PCSK2: variants seen among roughly 807,000 people sequenced by gnomAD.
PCSK2 encodes the protein neuroendocrine convertase 2.
PCSK2 carries 14 observed loss-of-function variants against 69.7 expected under a neutral mutation model. The ratio of observed to expected loss-of-function variants is 0.20; its 90% CI spans 0.13 to 0.31. The LOEUF is 0.31. Among genes scored for constraint, PCSK2 ranks in the 10% least tolerant of loss-of-function variants. The probability of loss-of-function intolerance (pLI) is 1.00; values close to 1 mark genes in which losing one functional copy is unlikely to be tolerated. For missense variants in PCSK2, 544 were observed against 842.5 expected (o/e 0.65, Z 4.39); for synonymous variants, 307 against 320.7 (o/e 0.96, Z 0.46).
rs201807095 is a variant in PCSK2, at chr20:17,482,097, C to T, written c.*27C>T. On this transcript the variant is annotated 3_prime_UTR_variant, in exon 12 of 12. Transcript: ENST00000262545. ...GCTGCACATCCGCCTTTCCCACCGC[C>T]CTCCCTCCCCAGCTCCGCCTCTGTC... The T allele has an allele frequency of 8.3e-4, 1,261 of 1,528,096 alleles. 6 individuals are homozygous for T. Among genetic ancestry groups the T allele is most frequent in the South Asian group, 1.5e-3 (112 of 77,090 alleles). 94.7% of individuals were successfully genotyped at this position (1,528,096 alleles called of 1,614,324 possible).
intron 2 of PCSK2, among the ~76,000 whole-genome samples, chr20:17,341,848 T>C (rs1401717118): frequency 1.0e-5 from 1 of 98,702 alleles, no homozygotes; most frequent in East Asian, 2.0e-4. Context: ...TCTCCACAAC[T>C]TTTTTTTTCC....
At chr20:17,317,201 A>G (rs1480142663) in intron 2 of PCSK2, among the ~76,000 whole-genome samples, 1 of 152,140 alleles carries the variant, frequency 6.6e-6, no homozygotes, top group Non-Finnish European at 1.5e-5. Context: ...AACTCTCCCT[A>G]ATAAAGAAGA....
chr20:17,432,024 T>TC (rs1477035327), intron 7 of PCSK2, among the ~76,000 whole-genome samples: 3 of 151,978 alleles, frequency 2.0e-5, no homozygotes, highest in Non-Finnish European at 4.4e-5. Flanking sequence ...ATGTCTGAGG[T>TC]CCTTCCCCAG....
chr20:17,309,197 A>C (rs914455693), intron 2 of PCSK2, among the ~76,000 whole-genome samples: 1 of 152,186 alleles, frequency 6.6e-6, no homozygotes, highest in Non-Finnish European at 1.5e-5. Flanking sequence ...GAGTCAATGA[A>C]GAGAGTTTCT....
At chr20:17,365,455 C>A (rs1383501917) in intron 4 of PCSK2, among the ~76,000 whole-genome samples, 1 of 152,128 alleles carries the variant, frequency 6.6e-6, no homozygotes, top group East Asian at 1.9e-4. Context: ...AAGCACCACC[C>A]CCCCGAAAAT....
intron 7 of PCSK2, 65 bp from the exon 8 acceptor site, chr20:17,436,643 C>T: frequency 7.0e-7 from 1 of 1,430,896 alleles, no homozygotes; most frequent in Non-Finnish European, 9.6e-7. Context: ...AGCCCTCCTC[C>T]ACCTCCTTGT....
chr20:17,282,426 C>T (rs1010261563), intron 2 of PCSK2, among the ~76,000 whole-genome samples: 1 of 152,168 alleles, frequency 6.6e-6, no homozygotes, highest in African/African-American at 2.4e-5. Context: ...CGATTTATTT[C>T]ATTGGTTGTG....
chr20:17,483,905 T>C lies in PCSK2; in HGVS notation c.*1835T>C, dbSNP rs2033452858. On this transcript the variant is annotated 3_prime_UTR_variant, in exon 12 of 12. Coordinates refer to ENST00000262545, the MANE Select transcript of PCSK2 (RefSeq NM_002594.5). ...GTGTGTATAAGTGCACACAGAAATA[T>C]ATATACATATGTAGACTATATACAT... 1 of 152,632 alleles carries C rather than the reference T, an allele frequency of 6.6e-6. No individual in the cohort carries two copies. The highest frequency in any genetic ancestry group is 2.1e-4 in the South Asian group (1 of 4,834). 9.5% of individuals were successfully genotyped at this position (152,632 alleles called of 1,614,324 possible). A position where few individuals can be genotyped will look rare whatever the true frequency, so the allele number is the denominator to read the frequency against.
At chr20:17,332,843 T>C (rs982594225) in intron 2 of PCSK2, among the ~76,000 whole-genome samples, 1 of 152,212 alleles carries the variant, frequency 6.6e-6, no homozygotes, top group African/African-American at 2.4e-5. Context: ...GCCTTTATTT[T>C]ACTATATATG....
rs551339992 is a variant in PCSK2, at chr20:17,348,131, A to G, written c.283-10196A>G. 1.4e-3 allele frequency among the ~76,000 whole-genome samples: 206 copies of G among 152,240 alleles called. 1 individual carries two copies. The highest frequency in any genetic ancestry group is 1.7e-3 in the Non-Finnish European group (117 of 68,014). ...AAGAAAAGAAAGAGAGAGAGAAAAG[A>G]AAGAAAGAAAGTCTAACAAAAAGAT... On this transcript the variant is annotated intron_variant, in intron 2 of 11. Transcript: ENST00000262545.
intron 2 of PCSK2, among the ~76,000 whole-genome samples, chr20:17,278,733 A>G (rs1368499247): frequency 3.3e-5 from 5 of 152,114 alleles, no homozygotes; most frequent in Non-Finnish European, 7.4e-5. Context: ...TGATATAAAT[A>G]AATAGATAAA....
At chr20:17,307,464 G>C (rs2143242) in intron 2 of PCSK2, among the ~76,000 whole-genome samples, 1 of 152,142 alleles carries the variant, frequency 6.6e-6, no homozygotes, top group Admixed American at 6.5e-5. Flanking sequence ...CCAAAGGGTG[G>C]TGGTGGCAGT....
At chr20:17,390,240 C>T (rs1336326333) in intron 5 of PCSK2, among the ~76,000 whole-genome samples, 1 of 152,134 alleles carries the variant, frequency 6.6e-6, no homozygotes, top group Non-Finnish European at 1.5e-5. Context: ...CAGTGGTTGC[C>T]TAAGGTAGGT....
chr20:17,483,928 CAT>C lies in PCSK2; in HGVS notation c.*1859_*1860del, dbSNP rs948366920. 1 of 152,382 alleles carries C rather than the reference CAT, an allele frequency of 6.6e-6. No homozygotes were observed. Among genetic ancestry groups the C allele is most frequent in the Non-Finnish European group, 1.5e-5 (1 of 67,994 alleles). 9.4% of individuals were successfully genotyped at this position (152,382 alleles called of 1,614,324 possible). ...TATATATACATATGTAGACTATATACATGTGTGTATATATGTGTATATATACA... is the reference window on the plus strand; with the variant it reads ...TATATATACATATGTAGACTATATACGTGTGTATATATGTGTATATATACA... On this transcript the variant is annotated 3_prime_UTR_variant, in exon 12 of 12. Transcript: ENST00000262545.
intron 2 of PCSK2, among the ~76,000 whole-genome samples, chr20:17,271,146 G>T (rs1987850028): frequency 6.6e-6 from 1 of 151,940 alleles, no homozygotes; most frequent in Non-Finnish European, 1.5e-5. Context: ...TAAAGTGTTT[G>T]CAAGAACTAG....
chr20:17,261,148 G>A (rs927388180), intron 2 of PCSK2, among the ~76,000 whole-genome samples: 1 of 152,016 alleles, frequency 6.6e-6, no homozygotes, highest in Non-Finnish European at 1.5e-5. Flanking sequence ...CATCCAATTG[G>A]GTAGATTCTG....
At chr20:17,293,771 C>T (rs1988774491) in intron 2 of PCSK2, among the ~76,000 whole-genome samples, 1 of 152,054 alleles carries the variant, frequency 6.6e-6, no homozygotes, top group Non-Finnish European at 1.5e-5. Flanking sequence ...ATATATTTGT[C>T]TATAGTTTCC....
intron 5 of PCSK2, among the ~76,000 whole-genome samples, chr20:17,371,619 T>C (rs2030765893): frequency 6.6e-6 from 1 of 152,112 alleles, no homozygotes; most frequent in African/African-American, 2.4e-5. Context: ...AATACCACCA[T>C]TCTTATTATT....
At chr20:17,480,093 G>T (rs985081449) in intron 11 of PCSK2, among the ~76,000 whole-genome samples, 3 of 150,824 alleles carry the variant, frequency 2.0e-5, no homozygotes, top group Non-Finnish European at 4.4e-5. Flanking sequence ...GCTTAACCTC[G>T]CTCCAACTCT....
Sources: allele counts gnomAD v4.1 joint callset (sites outside exome capture counted in the v4.1 genomes callset), GRCh38; gene constraint gnomAD v4.1.1; transcripts MANE v1.5; gene names NCBI Gene and HGNC (gene_info 2026-07-23, HGNC 2026-07-21).